DYNC2H1: variants seen among roughly 807,000 people sequenced by gnomAD.
DYNC2H1 encodes cytoplasmic dynein 2 heavy chain 1.
Under a neutral mutation model 570.0 loss-of-function variants are expected in DYNC2H1, and 410 were observed. The ratio of observed to expected loss-of-function variants is 0.72; its 90% CI spans 0.66 to 0.78. The LOEUF (loss-of-function observed/expected upper bound fraction) is 0.78. Ranked by LOEUF, DYNC2H1 falls within the 30% of genes least tolerant of loss-of-function variation. DYNC2H1 has a pLI of 0.00. For synonymous variants in DYNC2H1, 1,688 were observed against 1,677.6 expected, an observed-to-expected ratio of 1.01 and a Z score of -0.15; for missense variants, 4,865 against 5,046.4, an observed-to-expected ratio of 0.96 and a Z score of 1.09.
Position 103,287,559 on chromosome 11 carries a change from G to A in DYNC2H1, c.11049G>A (p.Pro3683=), listed in dbSNP as rs764926983. 6.8e-6 allele frequency: 11 copies of A among 1,611,236 alleles called. No homozygotes were observed. Among genetic ancestry groups the A allele is most frequent in the East Asian group, 2.2e-5 (1 of 44,756 alleles). ...QQILVVQALR[P]DRLQSAMALF... is the part of the protein sequence containing the mutation. Reference sequence around the variant, plus strand: ...TTCTTGTAGTACAGGCGCTAAGACCGGACAGATTGCAAAGTGCCATGGCTC... The same window carrying A: ...TTCTTGTAGTACAGGCGCTAAGACCAGACAGATTGCAAAGTGCCATGGCTC... The change falls in exon 75 of 89, where the codon CCG becomes CCA. Residue 3683 remains proline (P), a synonymous_variant. Transcript: ENST00000375735.
In DYNC2H1 at chr11:103,311,874, C is replaced by G. The variant is rs1407796954; in HGVS notation, c.11494-4C>G. ...AATAGGATGTCTGTTGATTTTTTTT[C>G]TAGTCACCTCCAGGTTTAAAGAAGA... is the stretch of plus-strand genomic sequence containing the variant. On this transcript the variant is annotated splice_polypyrimidine_tract_variant and splice_region_variant and intron_variant, in intron 78 of 88. Coordinates refer to ENST00000375735, the MANE Select transcript of DYNC2H1 (RefSeq NM_001377.3). The G allele has an allele frequency of 6.3e-7, 1 of 1,594,198 alleles. No individual in the cohort carries two copies. The highest frequency in any genetic ancestry group is 1.8e-5 in the Admixed American group (1 of 56,250).
intron 82 of DYNC2H1, among the ~76,000 whole-genome samples, chr11:103,344,032 G>T (rs1187548231): frequency 1.3e-5 from 2 of 152,206 alleles, no homozygotes; most frequent in African/African-American, 2.4e-5. Context: ...TCACTTTTAG[G>T]AGTCAGTGAA....
chr11:103,162,863 C>G (rs193131064), intron 29 of DYNC2H1, among the ~76,000 whole-genome samples, 165 bp from the exon 30 acceptor site: 1 of 152,148 alleles, frequency 6.6e-6, no homozygotes, highest in East Asian at 1.9e-4. Context: ...AATTATATTC[C>G]TATAACACAT....
At chr11:103,284,475 T>C (rs957829247) in intron 73 of DYNC2H1, among the ~76,000 whole-genome samples, 2 of 152,156 alleles carry the variant, frequency 1.3e-5, no homozygotes, top group Non-Finnish European at 2.9e-5. Context: ...ATCAAATAAT[T>C]ACCTTGTCAT....
At chr11:103,140,697 C>T (rs537794818) in intron 17 of DYNC2H1, among the ~76,000 whole-genome samples, 1 of 152,276 alleles carries the variant, frequency 6.6e-6, no homozygotes, top group African/African-American at 2.4e-5. Flanking sequence ...AGTTGCTCTT[C>T]TCGAGGAGTA....
At chr11:103,444,940 T>G (rs1226886594) in intron 85 of DYNC2H1, among the ~76,000 whole-genome samples, 3 of 151,920 alleles carry the variant, frequency 2.0e-5, no homozygotes, top group Non-Finnish European at 4.4e-5. Context: ...ACATGGGAGG[T>G]CAGTAGAAGA....
At position 103,136,045 on chromosome 11, in the gene DYNC2H1, G is replaced by A. The variant is rs193170915; in HGVS notation, c.2574+97G>A. On this transcript the variant is annotated intron_variant, in intron 17 of 88. Coordinates refer to ENST00000375735, the MANE Select transcript of DYNC2H1 (RefSeq NM_001377.3). The stretch of plus-strand genomic sequence containing the variant: ...ATACATTAATAGTTTACCTTGTGTG[G>A]CATAACATTAAAATATGGCAAAGCA... 1.5e-5 allele frequency: 15 copies of A among 1,025,078 alleles called. No individual in the cohort carries two copies. The Admixed American group carries it at 2.7e-4, about 19-fold the overall frequency. 63.5% of individuals were successfully genotyped at this position (1,025,078 alleles called of 1,614,324 possible).
Position 103,391,459 on chromosome 11 carries a change from G to A in DYNC2H1, c.12157-8204G>A, listed in dbSNP as rs181873625. ...GGGTTCAGACTTCCTCCTTTAGCTC[G>A]GAGAAGTTTGATTGTTTGAAGCCTA... On this transcript the variant is annotated intron_variant, in intron 83 of 88. Transcript: ENST00000375735. Among the ~76,000 whole-genome samples the A allele has an allele frequency of 3.5e-4, 54 of 152,184 alleles. 1 individual carries two copies. The East Asian group carries it at 7.1e-3, about 20-fold the overall frequency.
intron 85 of DYNC2H1, among the ~76,000 whole-genome samples, chr11:103,438,197 T>C (rs1053130800): frequency 3.3e-5 from 5 of 152,080 alleles, no homozygotes; most frequent in Non-Finnish European, 7.4e-5. Flanking sequence ...TTGTTTTATT[T>C]TCCTGGCTTA....
rs193211394 is a variant in DYNC2H1 at position 103,324,306 on chromosome 11, C to T, written c.12039+316C>T. On this transcript the variant is annotated intron_variant, in intron 82 of 88. Transcript: ENST00000375735. This position sits in a 1 kb window ranked among gnomAD's most constrained non-coding sequence, Gnocchi z 5.2. ...GTATAGTGCCCAACAGGTAATTTTT[C>T]GATCCTCCCTCTCCTCTCACCCTCC... Among the ~76,000 whole-genome samples the T allele has an allele frequency of 5.0e-4, 76 of 152,062 alleles. No homozygotes were observed. Among genetic ancestry groups the T allele is most frequent in the Non-Finnish European group, 8.5e-4 (58 of 67,970 alleles).
At chr11:103,158,436 G>C (rs1009081253) in intron 26 of DYNC2H1, among the ~76,000 whole-genome samples, 2 of 152,054 alleles carry the variant, frequency 1.3e-5, no homozygotes, top group African/African-American at 4.8e-5. Flanking sequence ...GAGACAGAGC[G>C]AGACTCCATC....
In DYNC2H1 at chr11:103,369,974, G is replaced by A. The variant is rs1211238082; in HGVS notation, c.12156+11615G>A. Among the ~76,000 whole-genome samples, 2 of 152,194 alleles carry A rather than the reference G, an allele frequency of 1.3e-5. No individual in the cohort carries two copies. The highest frequency in any genetic ancestry group is 2.4e-5 in the African/African-American group (1 of 41,436). ...AAGGGGACATTGTCTTGCACATTAGGTAGAAGCTTGGCTACAGAGATAGGA... is the reference window on the plus strand; with the variant it reads ...AAGGGGACATTGTCTTGCACATTAGATAGAAGCTTGGCTACAGAGATAGGA... On this transcript the variant is annotated intron_variant, in intron 83 of 88. Transcript: ENST00000375735. This position sits in a 1 kb window ranked among gnomAD's most constrained non-coding sequence, Gnocchi z 4.0.
Position 103,324,091 on chromosome 11 carries a change from T to G in DYNC2H1, c.12039+101T>G. The stretch of plus-strand genomic sequence containing the variant: ...GTACTGTAGACCCCACAAGCTTTAT[T>G]TAAACATTTTATTTTCACAACACAT... On this transcript the variant is annotated intron_variant, in intron 82 of 88. Transcript: ENST00000375735. This position sits in a 1 kb window ranked among gnomAD's most constrained non-coding sequence, Gnocchi z 5.2. 3 of 544,366 alleles carry G rather than the reference T, an allele frequency of 5.5e-6. No homozygotes were observed. The highest frequency in any genetic ancestry group is 8.5e-6 in the Non-Finnish European group (3 of 351,724). The allele number at this position is 544,366 out of a possible 1,614,324, so 33.7% of individuals were successfully genotyped here.
chr11:103,473,813 G>A (rs1209686692), intron 88 of DYNC2H1, among the ~76,000 whole-genome samples: 1 of 152,330 alleles, frequency 6.6e-6, no homozygotes. Context: ...CAGTAACACA[G>A]TAGTCCTGAG....
At chr11:103,236,588 C>T (rs777746399) in intron 63 of DYNC2H1, 49 bp downstream of exon 63, 1 of 1,016,034 alleles carries the variant, frequency 9.8e-7, no homozygotes, top group Middle Eastern at 3.2e-4. Flanking sequence ...TATTGTCAAG[C>T]TTGCTGTAGA....
At chr11:103,300,814 C>A (rs1332443899) in intron 75 of DYNC2H1, among the ~76,000 whole-genome samples, 2 of 151,882 alleles carry the variant, frequency 1.3e-5, no homozygotes, top group Admixed American at 1.3e-4. Flanking sequence ...GTTAAATAAA[C>A]AAGTGGTATG....
intron 57 of DYNC2H1, 64 bp downstream of exon 57, chr11:103,220,847 T>A: frequency 6.9e-7 from 1 of 1,452,526 alleles, no homozygotes; most frequent in African/African-American, 1.4e-5. Context: ...TTCGTAGTTT[T>A]AAATATTTCT....
chr11:103,242,372 G>C (rs921643371), intron 63 of DYNC2H1, among the ~76,000 whole-genome samples: 8 of 152,178 alleles, frequency 5.3e-5, no homozygotes, highest in Admixed American at 5.2e-4. Context: ...CTGCCTGTCA[G>C]AATATCTTAT....
intron 78 of DYNC2H1, among the ~76,000 whole-genome samples, chr11:103,309,966 C>A (rs1033334417): frequency 6.6e-6 from 1 of 151,866 alleles, no homozygotes; most frequent in Non-Finnish European, 1.5e-5. Flanking sequence ...TTTTTTATTT[C>A]TTGAATCACT....
Sources: gnomAD v4.1 joint callset for allele counts (sites outside exome capture counted in the v4.1 genomes callset) on GRCh38, gnomAD v4.1.1 for gene constraint, Gnocchi (gnomAD v3.1) non-coding constraint, MANE v1.5 for transcripts, NCBI Gene and HGNC (gene_info 2026-07-23, HGNC 2026-07-21) for gene names.